The following ERC2 variants were observed in gnomAD, a reference collection of about 807,000 sequenced individuals.
The protein encoded by ERC2 is ERC protein 2.
Under a neutral mutation model 114.8 loss-of-function variants are expected in ERC2, and 42 were observed. The ratio of observed to expected loss-of-function variants is 0.37; its 90% CI spans 0.29 to 0.47. ERC2 has a LOEUF of 0.47. Ranked by LOEUF, ERC2 falls within the 20% of genes least tolerant of loss-of-function variation. The pLI is 0.99. For synonymous variants in ERC2, 454 were observed against 425.5 expected (o/e 1.07, Z -0.82); for missense variants, 939 against 1,150.7 (o/e 0.82, Z 2.66).
At chr3:55,644,795 T>C (rs545155064) in intron 17 of ERC2, among the ~76,000 whole-genome samples, 2 of 152,090 alleles carry the variant, frequency 1.3e-5, no homozygotes, top group Admixed American at 1.3e-4. Context: ...CCTTGAAATT[T>C]ACTTTATGCT....
At chr3:56,353,867 T>A (rs1479763786) in intron 2 of ERC2, among the ~76,000 whole-genome samples, 2 of 151,674 alleles carry the variant, frequency 1.3e-5, no homozygotes, top group South Asian at 4.2e-4. Flanking sequence ...CTTACTATAT[T>A]TTACTCACTA....
chr3:55,580,530 C>T (rs2057209754), intron 17 of ERC2, among the ~76,000 whole-genome samples: 1 of 152,144 alleles, frequency 6.6e-6, no homozygotes, highest in African/African-American at 2.4e-5. Context: ...TTCTCCAAAT[C>T]ACAGGTGCTA....
intron 14 of ERC2, among the ~76,000 whole-genome samples, chr3:55,859,598 G>C (rs2061940495): frequency 6.6e-6 from 1 of 152,002 alleles, no homozygotes; most frequent in Admixed American, 6.5e-5. Flanking sequence ...TTAGCATGTG[G>C]TAATGTATCA....
At chr3:56,232,642 A>G (rs1326739145) in intron 3 of ERC2, among the ~76,000 whole-genome samples, 1 of 152,192 alleles carries the variant, frequency 6.6e-6, no homozygotes. Flanking sequence ...CAAAGAAAAA[A>G]CTGAAAGTGA....
intron 14 of ERC2, among the ~76,000 whole-genome samples, chr3:55,812,086 C>T (rs2059740842): frequency 6.6e-6 from 1 of 152,160 alleles, no homozygotes; most frequent in South Asian, 2.1e-4. Flanking sequence ...TGTTCAGCAC[C>T]CACTTATAAG....
chr3:55,707,188 C>G (rs1333363347), intron 15 of ERC2, among the ~76,000 whole-genome samples: 1 of 152,126 alleles, frequency 6.6e-6, no homozygotes, highest in Non-Finnish European at 1.5e-5. Context: ...AATCTCAGCA[C>G]TTTGGGAGGC....
intron 4 of ERC2, among the ~76,000 whole-genome samples, chr3:56,172,308 G>T (rs2082720940): frequency 6.6e-6 from 1 of 152,060 alleles, no homozygotes; most frequent in Admixed American, 6.5e-5. Context: ...AACCTCATTT[G>T]GGGGACACAT....
chr3:55,836,654 G>C (rs1181870515), intron 14 of ERC2, among the ~76,000 whole-genome samples: 2 of 152,004 alleles, frequency 1.3e-5, no homozygotes, highest in Non-Finnish European at 2.9e-5. Flanking sequence ...AAAAACCCTA[G>C]AAGAAAACCT....
At chr3:55,703,052 A>G (rs2063307075) in intron 15 of ERC2, among the ~76,000 whole-genome samples, 1 of 151,934 alleles carries the variant, frequency 6.6e-6, no homozygotes, top group Non-Finnish European at 1.5e-5. Context: ...ATCTAATCAG[A>G]TTTCATTTTC....
intron 17 of ERC2, among the ~76,000 whole-genome samples, chr3:55,557,465 A>G (rs1373150673): frequency 6.6e-6 from 1 of 152,198 alleles, no homozygotes; most frequent in Non-Finnish European, 1.5e-5. Flanking sequence ...TTGCTGAGGG[A>G]AGGGTTTTCT....
chr3:56,018,468 C>T (rs527964352), intron 8 of ERC2, among the ~76,000 whole-genome samples: 1 of 152,046 alleles, frequency 6.6e-6, no homozygotes, highest in African/African-American at 2.4e-5. Context: ...TCTAGAAGCC[C>T]CACATAACTA....
chr3:55,510,932 A>G lies in ERC2; in HGVS notation c.*384T>C, dbSNP rs1257428008. 1 of 152,234 alleles carries G rather than the reference A, an allele frequency of 6.6e-6. No individual in the cohort carries two copies. The highest frequency in any genetic ancestry group is 2.4e-5 in the African/African-American group (1 of 41,460). 9.4% of individuals were successfully genotyped at this position (152,234 alleles called of 1,614,324 possible). A position where few individuals can be genotyped will look rare whatever the true frequency, so the allele number is the denominator to read the frequency against. ...AATCCCATGGAGTTCAAATTTATCCAATGATGTTTAAGTAACATAAACAAA... is the reference window on the plus strand; with the variant it reads ...AATCCCATGGAGTTCAAATTTATCCGATGATGTTTAAGTAACATAAACAAA... On this transcript the variant is annotated 3_prime_UTR_variant, in exon 18 of 18. Transcript: ENST00000288221.
At chr3:56,082,813 C>A (rs2077307490) in intron 6 of ERC2, among the ~76,000 whole-genome samples, 1 of 152,130 alleles carries the variant, frequency 6.6e-6, no homozygotes, top group African/African-American at 2.4e-5. Context: ...CAAGCATTAC[C>A]ACTTGAGCTC....
chr3:56,282,308 T>C (rs2054401023), intron 3 of ERC2, among the ~76,000 whole-genome samples: 1 of 152,142 alleles, frequency 6.6e-6, no homozygotes, highest in South Asian at 2.1e-4. Context: ...TGATTAAGGT[T>C]AAAATAAGAG....
At chr3:56,289,725 T>C (rs895015549) in intron 3 of ERC2, among the ~76,000 whole-genome samples, 5 of 152,218 alleles carry the variant, frequency 3.3e-5, no homozygotes, top group Admixed American at 6.5e-5. Context: ...GGTTCTACCG[T>C]GGATGAAGCC....
chr3:56,230,028 G>C (rs2050514836), intron 3 of ERC2, among the ~76,000 whole-genome samples: 1 of 151,710 alleles, frequency 6.6e-6, no homozygotes, highest in Non-Finnish European at 1.5e-5. Flanking sequence ...ACCACACCCG[G>C]CTAAATTTTG....
rs149578051 is a variant in ERC2 at position 55,959,759 on chromosome 3, G to T, written c.2268-9199C>A. On this transcript the variant is annotated intron_variant, in intron 12 of 17. Coordinates refer to ENST00000288221, the MANE Select transcript of ERC2 (RefSeq NM_015576.3). ...GTAGGGCTGAGAATAGTGGCCCTGG[G>T]ATGGTTATTTTTCACATTGTTAAGC... is the stretch of plus-strand genomic sequence containing the variant. Among the ~76,000 whole-genome samples, 396 of 152,300 alleles carry T rather than the reference G, an allele frequency of 2.6e-3. 3 individuals are homozygous for T. Among genetic ancestry groups the T allele is most frequent in the African/African-American group, 9.2e-3 (383 of 41,558 alleles).
chr3:56,330,522 A>G (rs1158402683), intron 2 of ERC2, among the ~76,000 whole-genome samples: 12 of 152,174 alleles, frequency 7.9e-5, no homozygotes, highest in Non-Finnish European at 1.2e-4. Flanking sequence ...ATCTTGTCCT[A>G]TATTACCTAT....
intron 6 of ERC2, among the ~76,000 whole-genome samples, chr3:56,119,670 T>G (rs544420831): frequency 6.6e-6 from 1 of 152,364 alleles, no homozygotes; most frequent in Non-Finnish European, 1.5e-5. Context: ...GTTTATTCAC[T>G]GTGGCATCCC....
Sources: allele counts gnomAD v4.1 joint callset (sites outside exome capture counted in the v4.1 genomes callset), GRCh38; gene constraint gnomAD v4.1.1; transcripts MANE v1.5; gene names NCBI Gene and HGNC (gene_info 2026-07-23, HGNC 2026-07-21).